Variants in DLC1 observed in about 807,000 individuals in gnomAD.
The protein encoded by DLC1 is rho GTPase-activating protein 7.
Under a neutral mutation model 140.3 loss-of-function variants are expected in DLC1, and 54 were observed. That is an observed-to-expected ratio of 0.38 (90% confidence interval 0.31 to 0.48). The LOEUF is 0.48. Ranked by LOEUF, DLC1 falls within the 20% of genes least tolerant of loss-of-function variation. The pLI, the probability that DLC1 is intolerant of heterozygous loss-of-function variation, is 0.96. For missense variants in DLC1, 2,536 were observed against 1,907.0 expected (o/e 1.33, Z -6.14); for synonymous variants, 986 against 728.1 (o/e 1.35, Z -5.70).
intron 1 of DLC1, chr8:13,583,761 T>C (rs547598194): frequency 9.8e-5 from 15 of 152,486 alleles, no homozygotes; most frequent in Admixed American, 3.9e-4. Context: ...CTGAGTTCAA[T>C]GTCTTTGGAG....
chr8:13,442,520 C>T (rs949182946), intron 2 of DLC1, among the ~76,000 whole-genome samples: 1 of 152,170 alleles, frequency 6.6e-6, no homozygotes, highest in Non-Finnish European at 1.5e-5. Flanking sequence ...AAAAATCAAA[C>T]AACCCCATCA....
chr8:13,467,567 T>C (rs1020740438), intron 2 of DLC1, among the ~76,000 whole-genome samples: 2 of 152,002 alleles, frequency 1.3e-5, no homozygotes, highest in African/African-American at 4.8e-5. Context: ...AGAGAGACCC[T>C]GTCTTTACAA....
intron 5 of DLC1, among the ~76,000 whole-genome samples, chr8:13,126,056 C>T (rs1002629272): frequency 5.9e-5 from 9 of 151,914 alleles, no homozygotes; most frequent in African/African-American, 2.2e-4. Context: ...CAGGAAAAGG[C>T]AAGCAGCTCA....
intron 1 of DLC1, among the ~76,000 whole-genome samples, chr8:13,577,506 G>A (rs1804885933): frequency 6.6e-6 from 1 of 151,960 alleles, no homozygotes; most frequent in South Asian, 2.1e-4. Flanking sequence ...AAATTTAATG[G>A]GATTCTTGAG....
intron 5 of DLC1, among the ~76,000 whole-genome samples, chr8:13,175,972 T>G (rs990749741): frequency 5.3e-5 from 8 of 152,228 alleles, no homozygotes; most frequent in Admixed American, 2.6e-4. Flanking sequence ...TCATATAGTA[T>G]GTAGCACATC....
chr8:13,600,760 C>T (rs956089151), intron 1 of DLC1, among the ~76,000 whole-genome samples: 2 of 151,412 alleles, frequency 1.3e-5, no homozygotes, highest in East Asian at 1.9e-4. Context: ...GTTCATGAAC[C>T]TTATCTACAG....
At chr8:13,197,820 A>G (rs1486188159) in intron 5 of DLC1, among the ~76,000 whole-genome samples, 1 of 152,184 alleles carries the variant, frequency 6.6e-6, no homozygotes, top group Non-Finnish European at 1.5e-5. Context: ...TAGTCTGATG[A>G]GACTTCAGGA....
At chr8:13,441,919 A>C (rs1386217872) in intron 2 of DLC1, among the ~76,000 whole-genome samples, 4 of 152,250 alleles carry the variant, frequency 2.6e-5, no homozygotes, top group Admixed American at 6.5e-5. Flanking sequence ...CCAAAAGAAC[A>C]AAGCTGGAGG....
At chr8:13,430,394 A>T (rs942950972) in intron 2 of DLC1, among the ~76,000 whole-genome samples, 2 of 152,210 alleles carry the variant, frequency 1.3e-5, no homozygotes, top group African/African-American at 4.8e-5. Flanking sequence ...ATTATTTCCA[A>T]TGCTGCTTAA....
chr8:13,379,409 T>C (rs1836150606), intron 4 of DLC1, among the ~76,000 whole-genome samples: 1 of 152,200 alleles, frequency 6.6e-6, no homozygotes, highest in Admixed American at 6.5e-5. Context: ...CTATTGAGCA[T>C]CCTAGCTTAG....
chr8:13,211,862 T>C (rs2117110738), intron 5 of DLC1, among the ~76,000 whole-genome samples: 1 of 152,296 alleles, frequency 6.6e-6, no homozygotes, highest in East Asian at 1.9e-4. Flanking sequence ...TTTGGAAACA[T>C]ACATGAAATC....
At chr8:13,237,464 T>G (rs889230821) in intron 5 of DLC1, among the ~76,000 whole-genome samples, 1 of 151,906 alleles carries the variant, frequency 6.6e-6, no homozygotes, top group African/African-American at 2.4e-5. Context: ...TTATGATGAT[T>G]ATTTCTTTAT....
At chr8:13,156,990 G>C in intron 5 of DLC1, among the ~76,000 whole-genome samples, 1 of 152,146 alleles carries the variant, frequency 6.6e-6, no homozygotes, top group Non-Finnish European at 1.5e-5. Flanking sequence ...TCTGAAATCT[G>C]ATTCTCAGAC....
intron 1 of DLC1, among the ~76,000 whole-genome samples, chr8:13,533,298 A>G (rs1803163379): frequency 6.6e-6 from 1 of 152,098 alleles, no homozygotes; most frequent in Admixed American, 6.6e-5. Flanking sequence ...TCATTGTGAG[A>G]AGACAATACT....
intron 4 of DLC1, among the ~76,000 whole-genome samples, chr8:13,318,477 A>T (rs1481137039): frequency 6.6e-6 from 1 of 152,224 alleles, no homozygotes; most frequent in Non-Finnish European, 1.5e-5. Context: ...TTTTGAACCT[A>T]GGGTTTTAAC....
chr8:13,547,949 G>A (rs1454303089), intron 1 of DLC1, among the ~76,000 whole-genome samples: 1 of 151,894 alleles, frequency 6.6e-6, no homozygotes, highest in Non-Finnish European at 1.5e-5. Context: ...TTCTGTTCAA[G>A]TTTAACACCT....
chr8:13,343,010 GTAATT>G (rs1039013159), intron 4 of DLC1, among the ~76,000 whole-genome samples: 30 of 152,150 alleles, frequency 2.0e-4, no homozygotes, highest in African/African-American at 7.0e-4. Context: ...CTGCTTGAGA[GTAATT>G]TAATTTTCCC....
Position 13,591,396 on chromosome 8 carries a change from T to C in DLC1, c.-126+13141A>G, listed in dbSNP as rs145283577. Among the ~76,000 whole-genome samples the C allele has an allele frequency of 1.5e-3, 230 of 152,188 alleles. 2 individuals are homozygous for C. Among genetic ancestry groups the C allele is most frequent in the African/African-American group, 5.3e-3 (219 of 41,528 alleles). On this transcript the variant is annotated intron_variant, in intron 1 of 1. Coordinates refer to the DLC1 transcript ENST00000631382. ...GTGAGTGAGTTATCACGAGATCTGA[T>C]GGTTTTACAAGCATCTGGCATTTCC...
chr8:13,140,377 T>C (rs1822890408), intron 5 of DLC1, among the ~76,000 whole-genome samples: 1 of 152,046 alleles, frequency 6.6e-6, no homozygotes, highest in Non-Finnish European at 1.5e-5. Flanking sequence ...GGAGTACAAA[T>C]GGGCATCATC....
Sources: allele counts gnomAD v4.1 joint callset (sites outside exome capture counted in the v4.1 genomes callset), GRCh38; gene constraint gnomAD v4.1.1; transcripts MANE v1.5; gene names NCBI Gene and HGNC (gene_info 2026-07-23, HGNC 2026-07-21).